Variants in HDAC4 observed in about 807,000 individuals in gnomAD.
HDAC4 encodes the protein histone deacetylase 4.
HDAC4 carries 16 observed loss-of-function variants against 135.1 expected under a neutral mutation model. The ratio of observed to expected loss-of-function variants is 0.12; its 90% CI spans 0.08 to 0.18. HDAC4 has a LOEUF of 0.18. HDAC4 is among the 10% of genes least tolerant of loss of function. The pLI is 1.00. For missense variants in HDAC4, 1,143 were observed against 1,511.8 expected (o/e 0.76, Z 4.05); for synonymous variants, 685 against 653.4 (o/e 1.05, Z -0.74).
intron 19 of HDAC4, among the ~76,000 whole-genome samples, chr2:239,084,793 CCACA>C (rs1229723112): frequency 2.7e-5 from 4 of 149,476 alleles, no homozygotes; most frequent in African/African-American, 7.4e-5. Context: ...GACACACACC[CCACA>C]CACACCCCAC....
intron 13 of HDAC4, among the ~76,000 whole-genome samples, chr2:239,113,655 GTAAA>G (rs2038877353): frequency 6.6e-6 from 1 of 152,184 alleles, no homozygotes; most frequent in Non-Finnish European, 1.5e-5. Context: ...AATTATTAAT[GTAAA>G]TAGTTTCCCA....
At chr2:239,160,182 G>A (rs2042701379) in intron 6 of HDAC4, among the ~76,000 whole-genome samples, 1 of 152,148 alleles carries the variant, frequency 6.6e-6, no homozygotes, top group African/African-American at 2.4e-5. Context: ...AAAAATAAAT[G>A]GGTGGAATTA....
chr2:239,148,131 G>T (rs1477819782), intron 7 of HDAC4, among the ~76,000 whole-genome samples: 1 of 152,196 alleles, frequency 6.6e-6, no homozygotes, highest in Admixed American at 6.5e-5. Context: ...TATCGCCGTG[G>T]GACAGGGCGG....
chr2:239,180,664 G>A (rs1043465675), intron 4 of HDAC4, among the ~76,000 whole-genome samples: 12 of 152,188 alleles, frequency 7.9e-5, no homozygotes, highest in African/African-American at 2.7e-4. Context: ...AATGGCATTC[G>A]GCAACCTCAA....
intron 6 of HDAC4, among the ~76,000 whole-genome samples, chr2:239,159,650 C>T (rs954867464): frequency 6.6e-6 from 1 of 152,066 alleles, no homozygotes; most frequent in South Asian, 2.1e-4. Flanking sequence ...CATTCACACC[C>T]TACACTAAGC....
At chr2:239,333,381 A>T (rs1691714917) in intron 2 of HDAC4, among the ~76,000 whole-genome samples, 1 of 152,194 alleles carries the variant, frequency 6.6e-6, no homozygotes, top group Non-Finnish European at 1.5e-5. Context: ...TGGCAATCCT[A>T]GGAATAGAAG....
chr2:239,348,248 C>T (rs1269056427), intron 2 of HDAC4, among the ~76,000 whole-genome samples: 1 of 149,596 alleles, frequency 6.7e-6, no homozygotes, highest in Non-Finnish European at 1.5e-5. Context: ...TGCTTCCTAT[C>T]GAGAGCACCA....
intron 3 of HDAC4, among the ~76,000 whole-genome samples, chr2:239,191,417 G>T (rs955040708): frequency 6.6e-6 from 1 of 152,196 alleles, no homozygotes; most frequent in Non-Finnish European, 1.5e-5. Flanking sequence ...CAAAGCCACC[G>T]ATTTGGGTGA....
At chr2:239,144,752 A>G (rs772068941) in intron 7 of HDAC4, 38 bp from the exon 8 acceptor site, 2 of 1,608,614 alleles carry the variant, frequency 1.2e-6, no homozygotes, top group East Asian at 2.2e-5. Context: ...CCAGGCAGAC[A>G]CCACTGGCTC....
At chr2:239,121,676 T>G (rs1379822054) in intron 12 of HDAC4, among the ~76,000 whole-genome samples, 1 of 152,232 alleles carries the variant, frequency 6.6e-6, no homozygotes. Context: ...CTCCACACCG[T>G]GGGCCTCCGG....
chr2:239,152,571 G>A (rs991636411), intron 7 of HDAC4, among the ~76,000 whole-genome samples: 3 of 152,254 alleles, frequency 2.0e-5, no homozygotes, highest in African/African-American at 7.2e-5. Flanking sequence ...AAGCCCAGCG[G>A]TGGAGGCTCC....
chr2:239,302,294 C>A (rs998636693), intron 2 of HDAC4, among the ~76,000 whole-genome samples: 1 of 152,122 alleles, frequency 6.6e-6, no homozygotes, highest in African/African-American at 2.4e-5. Flanking sequence ...GCTGAAGTCT[C>A]GGGTGAGTTC....
chr2:239,381,404 C>T (rs925597722), intron 1 of HDAC4, among the ~76,000 whole-genome samples: 1 of 150,992 alleles, frequency 6.6e-6, no homozygotes, highest in Non-Finnish European at 1.5e-5. Context: ...ACCCATTTTT[C>T]AAATCTGAAA....
chr2:239,072,804 C>A (rs764751946), intron 22 of HDAC4, among the ~76,000 whole-genome samples: 1 of 152,224 alleles, frequency 6.6e-6, no homozygotes. Flanking sequence ...GACCCCTTTT[C>A]GGGGATGACC....
At chr2:239,223,872 G>A (rs1052705237) in intron 3 of HDAC4, among the ~76,000 whole-genome samples, 3 of 151,794 alleles carry the variant, frequency 2.0e-5, no homozygotes, top group African/African-American at 7.3e-5. Flanking sequence ...AAAAAAAAGG[G>A]AAAAGAAACA....
intron 7 of HDAC4, among the ~76,000 whole-genome samples, chr2:239,152,101 A>G (rs2042153802): frequency 6.6e-6 from 1 of 152,242 alleles, no homozygotes. Context: ...ATCACGATGA[A>G]GATGTTACTG....
intron 22 of HDAC4, among the ~76,000 whole-genome samples, chr2:239,079,185 T>A (rs778178727): frequency 1.3e-5 from 2 of 152,170 alleles, no homozygotes; most frequent in Non-Finnish European, 2.9e-5. Context: ...ATGAGCTCAT[T>A]TTCGGAAGTG....
chr2:239,331,056 G>A lies in HDAC4; in HGVS notation c.22+21622C>T, dbSNP rs182664463. Among the ~76,000 whole-genome samples the A allele has an allele frequency of 0.01, 1,548 of 152,310 alleles. 27 individuals carry two copies. Among genetic ancestry groups the A allele is most frequent in the African/African-American group, 0.035 (1,455 of 41,554 alleles). On this transcript the variant is annotated intron_variant, in intron 2 of 26. Transcript: ENST00000543185. This position sits in a 1 kb window ranked among gnomAD's most constrained non-coding sequence, Gnocchi z 4.5. ...GCTGCCCGAAATTCGGAGTGGGGAG[G>A]AAGGCAGATATGCCTGAATACAGCC... is the stretch of plus-strand genomic sequence containing the variant.
chr2:239,117,565 C>CAAAAA (rs34154007), intron 12 of HDAC4, among the ~76,000 whole-genome samples: 1 of 116,298 alleles, frequency 8.6e-6, no homozygotes, highest in African/African-American at 3.3e-5. Context: ...CGGGAAGTGG[C>CAAAAA]AAAAAAAAAA....
Sources: gnomAD v4.1 joint callset for allele counts (sites outside exome capture counted in the v4.1 genomes callset) on GRCh38, gnomAD v4.1.1 for gene constraint, Gnocchi (gnomAD v3.1) non-coding constraint, MANE v1.5 for transcripts, NCBI Gene and HGNC (gene_info 2026-07-23, HGNC 2026-07-21) for gene names.